Variants in RAB31 observed in about 807,000 individuals in gnomAD.
The protein encoded by RAB31 is ras-related protein Rab-31.
A neutral mutation model predicts 25.6 loss-of-function variants in RAB31; 21 were observed. The observed-to-expected ratio is 0.82, with a 90% CI of 0.58 to 1.18. RAB31 has a LOEUF of 1.18. RAB31 is among the 50% of genes most tolerant of loss of function. The pLI is 0.00. For missense variants in RAB31, 196 were observed against 250.1 expected, an observed-to-expected ratio of 0.78 and a Z score of 1.46; for synonymous variants, 87 against 84.0, an observed-to-expected ratio of 1.04 and a Z score of -0.20.
chr18:9,843,040 C>G (rs749572194), intron 5 of RAB31, among the ~76,000 whole-genome samples: 1 of 152,152 alleles, frequency 6.6e-6, no homozygotes, highest in Non-Finnish European at 1.5e-5. Flanking sequence ...GAACCTGTGC[C>G]GCTCCTTCTT....
intron 3 of RAB31, among the ~76,000 whole-genome samples, chr18:9,805,059 C>T (rs2068532982): frequency 6.6e-6 from 1 of 151,858 alleles, no homozygotes; most frequent in Non-Finnish European, 1.5e-5. Flanking sequence ...CAAGACCAGC[C>T]TGGGCAATAT....
chr18:9,728,808 G>A (rs1182910255), intron 1 of RAB31, among the ~76,000 whole-genome samples: 1 of 151,938 alleles, frequency 6.6e-6, no homozygotes, highest in Non-Finnish European at 1.5e-5. Flanking sequence ...CTAAGTGCTG[G>A]GATTACAGGC....
intron 5 of RAB31, among the ~76,000 whole-genome samples, chr18:9,834,201 C>T (rs567074754): frequency 5.3e-5 from 8 of 152,192 alleles, no homozygotes; most frequent in East Asian, 1.9e-4. Context: ...CTGCAACCTG[C>T]GCCTCCCAAG....
chr18:9,768,483 G>A (rs193159145), intron 1 of RAB31, among the ~76,000 whole-genome samples: 7 of 152,132 alleles, frequency 4.6e-5, no homozygotes, highest in East Asian at 1.9e-4. Context: ...ATGTTTTTTG[G>A]CCACAAAAAT....
intron 1 of RAB31, among the ~76,000 whole-genome samples, chr18:9,760,033 C>T (rs1043182120): frequency 6.6e-5 from 10 of 152,008 alleles, no homozygotes; most frequent in Non-Finnish European, 1.5e-4. Context: ...CTTTGCTATT[C>T]CACATTTCCA....
At chr18:9,829,161 A>G (rs1568190086) in intron 5 of RAB31, among the ~76,000 whole-genome samples, 1 of 152,350 alleles carries the variant, frequency 6.6e-6, no homozygotes, top group East Asian at 1.9e-4. Context: ...TGTGCCACAG[A>G]GAACCCTTCC....
chr18:9,779,090 A>G (rs2068389045), intron 2 of RAB31, among the ~76,000 whole-genome samples: 2 of 152,198 alleles, frequency 1.3e-5, no homozygotes, highest in Non-Finnish European at 2.9e-5. Flanking sequence ...GGAGAGGCAG[A>G]AGGGATCGAA....
At chr18:9,799,841 C>G (rs989729970) in intron 3 of RAB31, among the ~76,000 whole-genome samples, 1 of 152,176 alleles carries the variant, frequency 6.6e-6, no homozygotes, top group Non-Finnish European at 1.5e-5. Context: ...GGAAGCTTGA[C>G]ATTAGTAAGA....
At chr18:9,736,520 A>T (rs2068152057) in intron 1 of RAB31, among the ~76,000 whole-genome samples, 1 of 151,966 alleles carries the variant, frequency 6.6e-6, no homozygotes, top group African/African-American at 2.4e-5. Flanking sequence ...TTGATTGGCA[A>T]AGCTGAGATT....
chr18:9,817,377 G>A (rs1320510126), intron 5 of RAB31, among the ~76,000 whole-genome samples: 1 of 152,164 alleles, frequency 6.6e-6, no homozygotes, highest in African/African-American at 2.4e-5. Flanking sequence ...AAATTCAGGA[G>A]AAAGGGGAAT....
At chr18:9,826,838 A>C (rs1316787327) in intron 5 of RAB31, among the ~76,000 whole-genome samples, 2 of 135,234 alleles carry the variant, frequency 1.5e-5, no homozygotes, top group Non-Finnish European at 3.2e-5. Flanking sequence ...CTTTAGGGCC[A>C]TGTGGCCAGG....
rs2068464047 is a variant in RAB31, at chr18:9,792,201, A to C, written c.167A>C (p.Lys56Thr). The change falls in exon 3 of 7, where the codon AAG (lysine) becomes ACG (threonine). Residue 56 changes from lysine (K) to threonine (T), a missense_variant. By Grantham distance (78) the Lys-to-Thr change is moderately conservative. Coordinates refer to ENST00000578921, the MANE Select transcript of RAB31 (RefSeq NM_006868.4). ...GTGCCTTGTGGAAATGAACTTCACA[A>C]GTTCCTCATCTGGGACACTGCTGGT... Reference protein sequence around the residue: ...KTVPCGNELHKFLIWDTAGQE... With the variant: ...KTVPCGNELHTFLIWDTAGQE... 4 of 1,612,718 alleles carry C rather than the reference A, an allele frequency of 2.5e-6. No homozygotes were observed. The South Asian group carries it at 4.4e-5, about 18-fold the overall frequency.
chr18:9,744,090 C>A (rs977697018), intron 1 of RAB31, among the ~76,000 whole-genome samples: 3 of 152,214 alleles, frequency 2.0e-5, no homozygotes, highest in African/African-American at 7.2e-5. Flanking sequence ...CTCATCCACA[C>A]CTTTAGTTTT....
At chr18:9,749,830 C>T (rs761630688) in intron 1 of RAB31, among the ~76,000 whole-genome samples, 3 of 152,148 alleles carry the variant, frequency 2.0e-5, no homozygotes, top group African/African-American at 7.2e-5. Context: ...GAAAAGTCCT[C>T]GTTGTTCCTC....
intron 1 of RAB31, among the ~76,000 whole-genome samples, chr18:9,752,161 C>T (rs892393687): frequency 2.0e-5 from 3 of 152,192 alleles, no homozygotes; most frequent in African/African-American, 7.2e-5. Context: ...GCTGAGAGCC[C>T]TTTCTCCACC....
chr18:9,762,623 CAG>C lies in RAB31; in HGVS notation c.40-12652_40-12651del, dbSNP rs2068294987. Among the ~76,000 whole-genome samples, 4 of 152,256 alleles carry C rather than the reference CAG, an allele frequency of 2.6e-5. No individual in the cohort carries two copies. The South Asian group carries it at 8.3e-4, about 32-fold the overall frequency. ...CATTCTCTATTTCTGCTTAGCTGCA[CAG>C]AGTTTGTACATCGGGACAAACTGCT... On this transcript the variant is annotated intron_variant, in intron 1 of 6. Coordinates refer to ENST00000578921, the MANE Select transcript of RAB31 (RefSeq NM_006868.4).
chr18:9,764,941 T>TTTTC (rs145117730), intron 1 of RAB31, among the ~76,000 whole-genome samples: 76 of 151,652 alleles, frequency 5.0e-4, no homozygotes, highest in East Asian at 7.8e-4. Context: ...GAACCCACCT[T>TTTTC]TTTCTTTCTT....
In RAB31 at chr18:9,717,455, A is replaced by G. The variant is rs187784923; in HGVS notation, c.39+9011A>G. Among the ~76,000 whole-genome samples, 205 of 152,310 alleles carry G rather than the reference A, an allele frequency of 1.3e-3. 1 individual carries two copies. The highest frequency in any genetic ancestry group is 4.6e-3 in the African/African-American group (192 of 41,566). ...GCCTGCAGGACAGCAAACAGAACAC[A>G]GGGAGGTCATTTCCCTTCTATTTTC... On this transcript the variant is annotated intron_variant, in intron 1 of 6. Coordinates refer to ENST00000578921, the MANE Select transcript of RAB31 (RefSeq NM_006868.4).
intron 2 of RAB31, among the ~76,000 whole-genome samples, chr18:9,790,839 C>G (rs2068456095): frequency 1.3e-5 from 2 of 152,194 alleles, no homozygotes; most frequent in African/African-American, 4.8e-5. Flanking sequence ...TCAGGAGGCT[C>G]TCATACCAGG....
Sources: allele counts gnomAD v4.1 joint callset (sites outside exome capture counted in the v4.1 genomes callset), GRCh38; gene constraint gnomAD v4.1.1; transcripts MANE v1.5; gene names NCBI Gene and HGNC (gene_info 2026-07-23, HGNC 2026-07-21).